Variants in AHRR observed in about 807,000 individuals in gnomAD.
AHRR encodes the protein aryl hydrocarbon receptor repressor.
In AHRR, 28 loss-of-function variants were observed where a neutral mutation model predicts 44.0. The ratio of observed to expected loss-of-function variants is 0.64; its 90% CI spans 0.47 to 0.87. The LOEUF (loss-of-function observed/expected upper bound fraction) is 0.87. AHRR is among the 40% of genes least tolerant of loss of function. The pLI, the probability that AHRR is intolerant of heterozygous loss-of-function variation, is 0.00. For missense variants in AHRR, 990 were observed against 953.9 expected (o/e 1.04, Z -0.50); for synonymous variants, 434 against 407.0 (o/e 1.07, Z -0.80).
chr5:324,011 C>CTTTCTT (rs756488007), intron 1 of AHRR, among the ~76,000 whole-genome samples: 5 of 72,020 alleles, frequency 6.9e-5, no homozygotes, highest in African/African-American at 3.5e-4. Flanking sequence ...TTTTCTCTTT[C>CTTTCTT]TTTCTTTCTT....
At position 353,797 on chromosome 5, in the gene AHRR, T is replaced by C. The variant is rs1382201843; in HGVS notation, c.130T>C (p.Leu44=). 6.2e-6 allele frequency: 10 copies of C among 1,613,470 alleles called. No individual in the cohort carries two copies. Among genetic ancestry groups the C allele is most frequent in the African/African-American group, 1.3e-5 (1 of 74,826 alleles). The part of the protein sequence containing the change: ...KRHRDRLNAE[L]DHLASLLPFP... ...ACACCGGGACCGCCTCAACGCCGAG[T>C]TGGACCACCTGGCCAGCCTGCTGCC... Residue 44 remains leucine, a synonymous_variant, in exon 3 of 11, where the codon TTG becomes CTG. Coordinates refer to ENST00000684583, the MANE Select transcript of AHRR (RefSeq NM_001377236.1).
chr5:421,698 G>A (rs2126531202), intron 5 of AHRR, among the ~76,000 whole-genome samples: 1 of 152,276 alleles, frequency 6.6e-6, no homozygotes, highest in East Asian at 1.9e-4. Context: ...AGGGAACTGC[G>A]GAGGCACAGA....
At position 413,362 on chromosome 5, in the gene AHRR, C is replaced by G; in HGVS notation, c.370C>G (p.Leu124Val). Residue 124 changes from leucine (L) to valine (V), a missense_variant, in exon 5 of 11, where the codon CTG (leucine) becomes GTG (valine). By Grantham distance (32) the Leu-to-Val change is conservative. Transcript: ENST00000684583. ...LLLESLNGFALVVSAEGTIFY... is the reference protein window; with the variant it reads ...LLLESLNGFAVVVSAEGTIFY... ...CTTCTAGTCTCTTAATGGCTTTGCT[C>G]TGGTCGTGAGTGCAGAAGGGACGAT... The G allele has an allele frequency of 2.5e-6, 4 of 1,610,122 alleles. No homozygotes were observed. The highest frequency in any genetic ancestry group is 3.4e-6 in the Non-Finnish European group (4 of 1,178,428).
intron 10 of AHRR, 73 bp from the exon 11 acceptor site, chr5:433,780 G>C (rs1736851258): frequency 7.8e-6 from 11 of 1,408,080 alleles, no homozygotes; most frequent in Middle Eastern, 5.3e-4. Context: ...GCCTCCCTTA[G>C]AGACCCCCAC....
Position 422,588 on chromosome 5 carries a change from G to A in AHRR, c.442-141G>A, listed in dbSNP as rs1019444609. On this transcript the variant is annotated intron_variant, in intron 5 of 10. Coordinates refer to ENST00000684583, the MANE Select transcript of AHRR (RefSeq NM_001377236.1). ...GAGTGGGGAACCGGGGCCAAGCGCC[G>A]TCTCTTCGGTGGGATTCTCTCCCTG... 7.6e-6 allele frequency: 9 copies of A among 1,179,032 alleles called. No individual in the cohort carries two copies. In the Admixed American group the frequency reaches 9.2e-5, roughly 12 times the overall value. 73.0% of individuals were successfully genotyped at this position (1,179,032 alleles called of 1,614,324 possible).
chr5:404,517 T>C lies in AHRR; in HGVS notation c.352-8827T>C, dbSNP rs1735175639. 4 of 386,476 alleles carry C rather than the reference T, an allele frequency of 1.0e-5. No homozygotes were observed. The highest frequency in any genetic ancestry group is 9.8e-5 in the Admixed American group (3 of 30,580). 23.9% of individuals were successfully genotyped at this position (386,476 alleles called of 1,614,324 possible). ...TATTTTCAGACTTTACGGTTTGTAG[T>C]GATAACCTCTTCAGAAAAAGAGCAG... On this transcript the variant is annotated intron_variant, in intron 4 of 10. Coordinates refer to ENST00000684583, the MANE Select transcript of AHRR (RefSeq NM_001377236.1). This position sits in a 1 kb window ranked among gnomAD's most constrained non-coding sequence, Gnocchi z 4.1.
intron 4 of AHRR, among the ~76,000 whole-genome samples, chr5:400,901 G>A (rs528343492): frequency 1.1e-4 from 17 of 152,304 alleles, no homozygotes; most frequent in Middle Eastern, 3.4e-3. Flanking sequence ...TGTGGCAACC[G>A]CTGAATTGGG....
chr5:348,766 TTC>T (rs908418969), intron 2 of AHRR, among the ~76,000 whole-genome samples: 9 of 152,220 alleles, frequency 5.9e-5, no homozygotes, highest in African/African-American at 1.7e-4. Context: ...GTTCAGGTCG[TTC>T]TCTGTTTTAG....
At chr5:389,840 C>T (rs75707218) in intron 4 of AHRR, among the ~76,000 whole-genome samples, 16,333 of 146,062 alleles carry the variant, frequency 0.11, 1,075 homozygotes, top group Admixed American at 0.14. Flanking sequence ...CCTGAGAAGA[C>T]GAGCTGGAGG....
At chr5:366,564 A>C (rs1743366483) in intron 3 of AHRR, among the ~76,000 whole-genome samples, 2 of 152,230 alleles carry the variant, frequency 1.3e-5, no homozygotes, top group Non-Finnish European at 2.9e-5. Flanking sequence ...AATTCAGGCA[A>C]GAAATATCAA....
intron 1 of AHRR, among the ~76,000 whole-genome samples, chr5:340,237 G>T (rs945643058): frequency 1.3e-5 from 2 of 152,062 alleles, no homozygotes; most frequent in African/African-American, 4.8e-5. Flanking sequence ...TTGATAGATT[G>T]TGCCTTTCTA....
In AHRR at chr5:342,339, A is replaced by G. The variant is rs1388319919; in HGVS notation, c.-10-1554A>G. Among the ~76,000 whole-genome samples, 2 of 152,136 alleles carry G rather than the reference A, an allele frequency of 1.3e-5. No individual in the cohort carries two copies. Among genetic ancestry groups the G allele is most frequent in the Admixed American group, 1.3e-4 (2 of 15,280 alleles). ...TTTGCTTCATGTGTTTTGAAGCTCC[A>G]TTGCTAGGTACATTTACCTTTAGGA... is the stretch of plus-strand genomic sequence containing the variant. On this transcript the variant is annotated intron_variant, in intron 1 of 10. Transcript: ENST00000684583. The surrounding 1 kb of genome is among the most constrained non-coding windows in gnomAD (Gnocchi z 4.3).
At chr5:322,729 A>T (rs1183842839) in intron 1 of AHRR, 1 of 152,236 alleles carries the variant, frequency 6.6e-6, no homozygotes, top group Non-Finnish European at 1.5e-5. Context: ...CGAGTGTGCC[A>T]TACCCATCCC....
intron 1 of AHRR, among the ~76,000 whole-genome samples, chr5:323,728 T>G (rs1202779253): frequency 6.6e-6 from 1 of 152,158 alleles, no homozygotes; most frequent in Non-Finnish European, 1.5e-5. Context: ...TCATTTGCAA[T>G]GCAGTTGGAG....
chr5:418,118 T>C (rs186968456), intron 5 of AHRR, among the ~76,000 whole-genome samples: 13 of 152,306 alleles, frequency 8.5e-5, no homozygotes, highest in African/African-American at 2.6e-4. Flanking sequence ...AAGGTAAAAA[T>C]GTTAGCTGCT....
chr5:414,677 TA>T (rs754025542), intron 5 of AHRR, among the ~76,000 whole-genome samples: 2 of 151,886 alleles, frequency 1.3e-5, no homozygotes, highest in African/African-American at 2.4e-5. Flanking sequence ...CAAATAGATT[TA>T]AAACAATAAA....
rs772183008 is a variant in AHRR, at chr5:324,017, T to TTC, written c.-11+2200_-11+2201dup. On this transcript the variant is annotated intron_variant, in intron 1 of 10. Transcript: ENST00000684583. ...CCTTTCTTTTTTTCTCTTTCTTTCT[T>TTC]TCTTTCTCTCTCTCTCTCTGTCTCT... Among the ~76,000 whole-genome samples, 334 of 142,402 alleles carry TTC rather than the reference T, an allele frequency of 2.3e-3. 6 individuals carry two copies. The highest frequency in any genetic ancestry group is 9.4e-3 in the African/African-American group (317 of 33,776). The allele number at this position is 142,402 out of a possible 152,430, so 93.4% of individuals were successfully genotyped here.
At chr5:344,029 G>C in intron 2 of AHRR, 65 bp downstream of exon 2, 3 of 1,530,196 alleles carry the variant, frequency 2.0e-6, no homozygotes, top group East Asian at 2.6e-5. Flanking sequence ...GTTGGGGTTT[G>C]CCTTGAAAAC....
intron 8 of AHRR, among the ~76,000 whole-genome samples, chr5:431,128 C>A (rs1230831013): frequency 6.6e-6 from 1 of 152,172 alleles, no homozygotes; most frequent in African/African-American, 2.4e-5. Context: ...GGGACGCAGC[C>A]CCCTGGTGTC....
Sources: allele counts gnomAD v4.1 joint callset (sites outside exome capture counted in the v4.1 genomes callset), GRCh38; gene constraint gnomAD v4.1.1; non-coding constraint Gnocchi (gnomAD v3.1); transcripts MANE v1.5; gene names NCBI Gene and HGNC (gene_info 2026-07-23, HGNC 2026-07-21).